SHKBP1: variants seen among roughly 807,000 people sequenced by gnomAD.
SHKBP1 encodes SH3KBP1-binding protein 1.
SHKBP1 carries 71 observed loss-of-function variants against 83.9 expected under a neutral mutation model. The ratio of observed to expected loss-of-function variants is 0.85; its 90% CI spans 0.70 to 1.03. The LOEUF is 1.03. SHKBP1 is among the 50% of genes least tolerant of loss of function. The probability of loss-of-function intolerance (pLI) is 0.00; values close to 1 mark genes in which losing one functional copy is unlikely to be tolerated. For synonymous variants in SHKBP1, 371 were observed against 398.0 expected, an observed-to-expected ratio of 0.93 and a Z score of 0.81; for missense variants, 824 against 982.4, an observed-to-expected ratio of 0.84 and a Z score of 2.16.
chr19:40,577,652 G>A (rs772749130), intron 4 of SHKBP1, 22 bp downstream of exon 4: 22 of 1,613,350 alleles, frequency 1.4e-5, no homozygotes, highest in Non-Finnish European at 1.9e-5. Flanking sequence ...AAAAGGGGAG[G>A]GAGTCCCTCA....
At chr19:40,587,614 A>T (rs1482800690) in intron 13 of SHKBP1, among the ~76,000 whole-genome samples, 3 of 150,146 alleles carry the variant, frequency 2.0e-5, no homozygotes, top group African/African-American at 7.4e-5. Context: ...TAAAAATGCA[A>T]ATCAGGCTGG....
intron 12 of SHKBP1, chr19:40,585,685 T>C (rs2081306632): frequency 1.3e-5 from 2 of 151,496 alleles, no homozygotes; most frequent in African/African-American, 2.4e-5. Flanking sequence ...GTAGCTGGGA[T>C]TACGGGTGCC....
In SHKBP1 at chr19:40,577,619, G is replaced by A. The variant is rs1479620739; in HGVS notation, c.249G>A (p.Glu83=). ...APILNFLRTK[E]LDPRGVHGSS... ...TCCTCAACTTCCTGCGCACCAAAGAGTTGGATCCCAGGTTGGCATGGAAAA... is the reference window on the plus strand; with the variant it reads ...TCCTCAACTTCCTGCGCACCAAAGAATTGGATCCCAGGTTGGCATGGAAAA... Residue 83 remains glutamate (E), a synonymous_variant, in exon 4 of 18, where the codon GAG becomes GAA. Coordinates refer to ENST00000291842, the MANE Select transcript of SHKBP1 (RefSeq NM_138392.4). 1 of 1,614,068 alleles carries A rather than the reference G, an allele frequency of 6.2e-7. No homozygotes were observed. The highest frequency in any genetic ancestry group is 8.5e-7 in the Non-Finnish European group (1 of 1,180,014).
intron 12 of SHKBP1, chr19:40,585,569 G>A (rs2081305460): frequency 1.5e-5 from 2 of 137,164 alleles, no homozygotes; most frequent in Non-Finnish European, 3.1e-5. Context: ...CTGAGACAGA[G>A]TATCGCTCTG....
chr19:40,578,671 A>C, intron 6 of SHKBP1, 129 bp downstream of exon 6: 1 of 788,360 alleles, frequency 1.3e-6, no homozygotes, highest in Admixed American at 2.1e-5. Flanking sequence ...TCCCTATCAG[A>C]TGCTTGGGCT....
intron 10 of SHKBP1, 66 bp downstream of exon 10, chr19:40,582,532 G>T (rs2081278150): frequency 7.2e-7 from 1 of 1,391,966 alleles, no homozygotes; most frequent in Non-Finnish European, 1.0e-6. Flanking sequence ...CCCAGGAAGG[G>T]GTTCACGTCT....
chr19:40,588,125 T>G (rs1268576499), intron 13 of SHKBP1, among the ~76,000 whole-genome samples: 2 of 151,840 alleles, frequency 1.3e-5, no homozygotes, highest in African/African-American at 4.8e-5. Context: ...GGCTCTGAGG[T>G]GAGAGGATGC....
intron 12 of SHKBP1, among the ~76,000 whole-genome samples, chr19:40,585,239 A>G (rs404584): frequency 0.54 from 81,698 of 151,878 alleles, 22,446 homozygotes; most frequent in African/African-American, 0.64. Flanking sequence ...CCTGAACAGC[A>G]GAACCACAGG....
At chr19:40,586,709 T>C in intron 12 of SHKBP1, 65 bp from the exon 13 acceptor site, 2 of 1,407,012 alleles carry the variant, frequency 1.4e-6, no homozygotes, top group East Asian at 2.6e-5. Context: ...GCCTGTTTCT[T>C]TCTCCCTGCC....
At chr19:40,578,930 G>A (rs1203446459) in intron 6 of SHKBP1, among the ~76,000 whole-genome samples, 1 of 152,066 alleles carries the variant, frequency 6.6e-6, no homozygotes, top group East Asian at 1.9e-4. Flanking sequence ...GTGGTTATTG[G>A]AACTAGGCTT....
chr19:40,587,461 C>T (rs535875452), intron 13 of SHKBP1, among the ~76,000 whole-genome samples: 3 of 152,180 alleles, frequency 2.0e-5, no homozygotes, highest in African/African-American at 4.8e-5. Context: ...TGTGGTGGCA[C>T]GTGCCTGTAA....
intron 12 of SHKBP1, among the ~76,000 whole-genome samples, chr19:40,583,948 C>A (rs907526093): frequency 6.6e-6 from 1 of 152,124 alleles, no homozygotes; most frequent in Non-Finnish European, 1.5e-5. Flanking sequence ...TCAAGCGATT[C>A]TCCTGCCTCA....
Position 40,578,230 on chromosome 19 carries a change from G to C in SHKBP1, c.319+18G>C. On this transcript the variant is annotated intron_variant, in intron 5 of 17. Transcript: ENST00000291842. ...TCCTCTGGGTAAGTGGGAGCCCCCA[G>C]CTATCATCCTCATTGTATAGAAAAC... The C allele has an allele frequency of 6.2e-7, 1 of 1,612,632 alleles. No individual in the cohort carries two copies. Among genetic ancestry groups the C allele is most frequent in the Non-Finnish European group, 8.5e-7 (1 of 1,178,692 alleles).
chr19:40,580,592 C>T lies in SHKBP1; in HGVS notation c.589C>T (p.Arg197Cys), dbSNP rs1309552298. The T allele has an allele frequency of 1.6e-5, 26 of 1,614,066 alleles. No homozygotes were observed. Among genetic ancestry groups the T allele is most frequent in the Middle Eastern group, 1.6e-4 (1 of 6,084 alleles). ...SGQPEEPGMV[R>C]LVCGHHNWIA... is the part of the protein sequence containing the mutation. ...ACAACCTGAGGAGCCGGGGATGGTG[C>T]GCCTGGTGTGTGGACACCATAATTG... Residue 197 changes from arginine (R) to cysteine (C), a missense_variant, in exon 8 of 18, where the codon CGC becomes TGC. Transcript: ENST00000291842.
In SHKBP1 at chr19:40,590,462, A is replaced by G. The variant is rs183783611; in HGVS notation, c.1768+40A>G. ...ACCCCAATCCCGTCCCAAGCCCCAC[A>G]GCCTCACCCAGAACCACTCTCCACT... On this transcript the variant is annotated intron_variant, in intron 16 of 17. Transcript: ENST00000291842. This position sits in a 1 kb window ranked among gnomAD's most constrained non-coding sequence, Gnocchi z 4.6. The G allele has an allele frequency of 3.7e-4, 577 of 1,563,304 alleles. 3 individuals are homozygous for G. The African/African-American group carries it at 7.1e-3, about 19-fold the overall frequency.
At position 40,580,860 on chromosome 19, in the gene SHKBP1, C is replaced by T. The variant is rs774169537; in HGVS notation, c.768C>T (p.Asp256=). 8 of 1,612,968 alleles carry T rather than the reference C, an allele frequency of 5.0e-6. No individual in the cohort carries two copies. Among genetic ancestry groups the T allele is most frequent in the Non-Finnish European group, 5.9e-6 (7 of 1,179,442 alleles). ...ATGGTGGGGCTTTGGGTGAACATGACAAGATGGTGGCAGCAGCCACCGGCA... is the reference window on the plus strand; with the variant it reads ...ATGGTGGGGCTTTGGGTGAACATGATAAGATGGTGGCAGCAGCCACCGGCA... ...RVHGGALGEH[D]KMVAAATGSE... Residue 256 remains aspartate, a synonymous_variant, in exon 9 of 18, where the codon GAC becomes GAT. Transcript: ENST00000291842.
chr19:40,578,521 A>G lies in SHKBP1; in HGVS notation c.379A>G (p.Asn127Asp), dbSNP rs761755965. The part of the protein sequence containing the change: ...DRSSCGNVLF[N>D]GYLPPPVFPV... ...ATCTTCTTGTGGAAACGTCCTCTTC[A>G]ATGGTTACCTGCCGCCACCAGGTAG... Residue 127 changes from asparagine to aspartate, a missense_variant, in exon 6 of 18, where the codon AAT becomes GAT. This residue lies in a region of SHKBP1 where 355 missense variants were observed against 386.4 expected (regional missense o/e 0.92). Coordinates refer to ENST00000291842, the MANE Select transcript of SHKBP1 (RefSeq NM_138392.4). The G allele has an allele frequency of 3.7e-6, 6 of 1,613,878 alleles. No individual in the cohort carries two copies. In the South Asian group the frequency reaches 4.4e-5, roughly 12 times the overall value.
chr19:40,583,534 G>A, intron 11 of SHKBP1, 49 bp downstream of exon 11: 2 of 1,610,710 alleles, frequency 1.2e-6, no homozygotes, highest in Non-Finnish European at 1.7e-6. Context: ...CCCTGGGAGA[G>A]GGGAAGGGAG....
At chr19:40,583,202 TCAGA>T (rs2081284122) in intron 10 of SHKBP1, among the ~76,000 whole-genome samples, 192 bp from the exon 11 acceptor site, 1 of 150,178 alleles carries the variant, frequency 6.7e-6, no homozygotes, top group South Asian at 2.1e-4. Context: ...AGGCCAAGAG[TCAGA>T]CAGACAGATG....
Sources: allele counts gnomAD v4.1 joint callset (sites outside exome capture counted in the v4.1 genomes callset), GRCh38; gene constraint gnomAD v4.1.1; regional missense constraint gnomAD v4.1.1; non-coding constraint Gnocchi (gnomAD v3.1); transcripts MANE v1.5; gene names NCBI Gene and HGNC (gene_info 2026-07-23, HGNC 2026-07-21).